Variants in KCNIP1 observed in about 807,000 individuals in gnomAD.
The protein encoded by KCNIP1 is potassium voltage-gated channel interacting protein 1.
In KCNIP1, 18 loss-of-function variants were observed where a neutral mutation model predicts 33.0. That is an observed-to-expected ratio of 0.55 (90% CI 0.38 to 0.81). The LOEUF (loss-of-function observed/expected upper bound fraction) is 0.81, where lower values mean the gene tolerates loss of function less well. Ranked by LOEUF, KCNIP1 falls within the 30% of genes least tolerant of loss-of-function variation. The pLI is 0.00. For missense variants in KCNIP1, 238 were observed against 271.6 expected (o/e 0.88, Z 0.87); for synonymous variants, 93 against 98.3 (o/e 0.95, Z 0.32).
At chr5:170,671,846 C>CAT (rs1405585787) in intron 1 of KCNIP1, among the ~76,000 whole-genome samples, 2 of 152,208 alleles carry the variant, frequency 1.3e-5, no homozygotes, top group African/African-American at 4.8e-5. Context: ...TTGTGCTGGG[C>CAT]TTATGCTGGG....
chr5:170,453,512 GAGT>G (rs1366907700), intron 1 of KCNIP1, among the ~76,000 whole-genome samples: 2 of 152,154 alleles, frequency 1.3e-5, no homozygotes, highest in African/African-American at 4.8e-5. Flanking sequence ...ATCTTTTAAG[GAGT>G]ACTCCAACAC....
At chr5:170,483,059 G>C (rs142904679) in intron 1 of KCNIP1, 28 of 454,820 alleles carry the variant, frequency 6.2e-5, no homozygotes, top group Admixed American at 3.3e-4. Context: ...TCCAAGGACA[G>C]ATGGAGTCAA....
intron 1 of KCNIP1, among the ~76,000 whole-genome samples, chr5:170,596,877 T>C (rs994585134): frequency 2.0e-5 from 3 of 152,218 alleles, no homozygotes; most frequent in African/African-American, 7.2e-5. Context: ...TCAGAGCTTC[T>C]GGGAAGCAGA....
At position 170,427,257 on chromosome 5, in the gene KCNIP1, C is replaced by T. The variant is rs114138462; in HGVS notation, c.88+73293C>T. On this transcript the variant is annotated intron_variant, in intron 1 of 7. Coordinates refer to the KCNIP1 transcript ENST00000377360. ...GTTTCTGGTGCATTAGGACTATCGA[C>T]CAGAACCCCTGCATTCCCAGCCCCT... 3.4e-3 allele frequency among the ~76,000 whole-genome samples: 520 copies of T among 152,332 alleles called. 3 individuals carry two copies. The highest frequency in any genetic ancestry group is 0.011 in the African/African-American group (456 of 41,560).
At chr5:170,496,600 A>G (rs181496796) in intron 1 of KCNIP1, among the ~76,000 whole-genome samples, 13 of 152,208 alleles carry the variant, frequency 8.5e-5, no homozygotes, top group Non-Finnish European at 1.8e-4. Context: ...TGCTAATGCA[A>G]TTATTCTATC....
At chr5:170,672,463 G>T (rs1439414575) in intron 1 of KCNIP1, among the ~76,000 whole-genome samples, 1 of 152,244 alleles carries the variant, frequency 6.6e-6, no homozygotes, top group Non-Finnish European at 1.5e-5. Flanking sequence ...GAATCCAAAC[G>T]CTTCCAAAGG....
At chr5:170,705,427 C>T (rs1312952344) in intron 1 of KCNIP1, among the ~76,000 whole-genome samples, 4 of 152,152 alleles carry the variant, frequency 2.6e-5, no homozygotes, top group African/African-American at 4.8e-5. Flanking sequence ...AGAGATGGCC[C>T]GTAACAGTGC....
In KCNIP1 at chr5:170,724,475, T is replaced by G. The variant is rs927421809; in HGVS notation, c.435+1655T>G. Among the ~76,000 whole-genome samples the G allele has an allele frequency of 2.0e-5, 3 of 151,990 alleles. No homozygotes were observed. In the South Asian group the frequency reaches 6.2e-4, roughly 31 times the overall value. On this transcript the variant is annotated intron_variant, in intron 5 of 7. Coordinates refer to ENST00000328939, the MANE Select transcript of KCNIP1 (RefSeq NM_014592.4). ...CTAGGAAGGCAAGGTTGGTTTAACA[T>G]TCAAAAACCAATCAATATAATTCAC...
At chr5:170,722,885 A>C in intron 5 of KCNIP1, 65 bp downstream of exon 5, 2 of 990,554 alleles carry the variant, frequency 2.0e-6, no homozygotes, top group Middle Eastern at 2.3e-4. Flanking sequence ...AACAGAAAAC[A>C]GCCCCAGGCA....
rs1358545798 is a variant in KCNIP1 at position 170,732,013 on chromosome 5, AGAG to A, written c.436-783_436-781del. Among the ~76,000 whole-genome samples the A allele has an allele frequency of 1.6e-3, 248 of 152,260 alleles. 4 individuals carry two copies. The highest frequency in any genetic ancestry group is 3.5e-4 in the Non-Finnish European group (24 of 68,012). ...TCTGGTTATGCAAGTTGTTAACATT[AGAG>A]GAGACTGAGTGAAAGGTATGCATGA... is the stretch of plus-strand genomic sequence containing the variant. On this transcript the variant is annotated intron_variant, in intron 5 of 7. Coordinates refer to ENST00000328939, the MANE Select transcript of KCNIP1 (RefSeq NM_014592.4).
At chr5:170,550,720 A>C (rs530391838) in intron 1 of KCNIP1, among the ~76,000 whole-genome samples, 1 of 152,152 alleles carries the variant, frequency 6.6e-6, no homozygotes, top group Admixed American at 6.5e-5. Flanking sequence ...AGTGATGATG[A>C]TAATGACAGT....
chr5:170,382,493 A>G (rs1436404349), intron 1 of KCNIP1, among the ~76,000 whole-genome samples: 2 of 151,948 alleles, frequency 1.3e-5, no homozygotes, highest in Non-Finnish European at 2.9e-5. Context: ...ACACCCCATC[A>G]TGGGTCATTT....
At chr5:170,721,195 C>T (rs944309519) in intron 3 of KCNIP1, among the ~76,000 whole-genome samples, 1 of 152,184 alleles carries the variant, frequency 6.6e-6, no homozygotes, top group East Asian at 1.9e-4. Context: ...CAGACAGATG[C>T]CTTCCTTGGT....
intron 1 of KCNIP1, among the ~76,000 whole-genome samples, chr5:170,648,481 G>A (rs1315075621): frequency 6.6e-6 from 1 of 152,162 alleles, no homozygotes; most frequent in Non-Finnish European, 1.5e-5. Context: ...CCAGTAGAAG[G>A]CATGGAGGAA....
chr5:170,669,633 A>G, intron 1 of KCNIP1: 1 of 985,450 alleles, frequency 1.0e-6, no homozygotes, highest in Non-Finnish European at 1.2e-6. Flanking sequence ...TTTTAGAGTA[A>G]CTATCTCGGA....
At chr5:170,593,411 G>C (rs1003684219) in intron 1 of KCNIP1, among the ~76,000 whole-genome samples, 6 of 152,206 alleles carry the variant, frequency 3.9e-5, no homozygotes, top group Non-Finnish European at 8.8e-5. Context: ...GCACCTAATA[G>C]AGATATCACG....
At chr5:170,675,454 C>T (rs1762095573) in intron 1 of KCNIP1, among the ~76,000 whole-genome samples, 4 of 152,074 alleles carry the variant, frequency 2.6e-5, no homozygotes, top group Admixed American at 2.6e-4. Context: ...CCTGTCTCTC[C>T]TAAAAAATAC....
chr5:170,417,898 A>G (rs915546327), intron 1 of KCNIP1, among the ~76,000 whole-genome samples: 1 of 152,162 alleles, frequency 6.6e-6, no homozygotes, highest in Non-Finnish European at 1.5e-5. Context: ...CCTTATACCC[A>G]GTCTTGCCCA....
intron 1 of KCNIP1, chr5:170,383,903 C>T: frequency 6.4e-7 from 1 of 1,573,966 alleles, no homozygotes; most frequent in Non-Finnish European, 8.7e-7. Context: ...GGGTGACACA[C>T]AGAACACCCA....
Sources: allele counts gnomAD v4.1 joint callset (sites outside exome capture counted in the v4.1 genomes callset), GRCh38; gene constraint gnomAD v4.1.1; transcripts MANE v1.5; gene names NCBI Gene and HGNC (gene_info 2026-07-23, HGNC 2026-07-21).